The following HTT variants were observed in gnomAD, a reference collection of about 807,000 sequenced individuals.
HTT encodes huntington disease protein.
HTT carries 104 observed loss-of-function variants against 362.3 expected under a neutral mutation model. That is an observed-to-expected ratio of 0.29 (90% confidence interval 0.24 to 0.34). HTT has a LOEUF of 0.34. Ranked by LOEUF, HTT falls within the 10% of genes least tolerant of loss-of-function variation. The probability of loss-of-function intolerance (pLI) is 1.00; values close to 1 mark genes in which losing one functional copy is unlikely to be tolerated. For synonymous variants in HTT, 1,577 were observed against 1,548.7 expected, an observed-to-expected ratio of 1.02 and a Z score of -0.43; for missense variants, 3,301 against 3,928.6, an observed-to-expected ratio of 0.84 and a Z score of 4.27.
rs1336165061 is a variant in HTT at position 3,220,305 on chromosome 4, C to T, written c.7366C>T (p.Leu2456=). The T allele has an allele frequency of 6.1e-5, 99 of 1,613,028 alleles. No individual in the cohort carries two copies. The highest frequency in any genetic ancestry group is 8.0e-5 in the Non-Finnish European group (94 of 1,179,094). ...GGAGTTCATCTACCGCATCAACACA[C>T]TAGGTACTCTTGGGGCCTCTCCTTC... The part of the protein sequence containing the change: ...FKEFIYRINT[L]GWTSRTQFEE... The change falls in exon 53 of 67, where the codon CTA becomes TTA. Residue 2456 remains leucine, a synonymous_variant. Coordinates refer to ENST00000355072, the MANE Select transcript of HTT (RefSeq NM_001388492.1).
chr4:3,186,973 C>G (rs1201129136), intron 38 of HTT, among the ~76,000 whole-genome samples: 1 of 151,704 alleles, frequency 6.6e-6, no homozygotes, highest in South Asian at 2.1e-4. Flanking sequence ...ATTCTCCTGC[C>G]TCAGCCTCCC....
intron 1 of HTT, among the ~76,000 whole-genome samples, chr4:3,084,443 CT>C (rs1244323939): frequency 6.6e-6 from 1 of 151,932 alleles, no homozygotes; most frequent in African/African-American, 2.4e-5. Flanking sequence ...AATCCCAGCA[CT>C]TTTGGGAGGC....
At chr4:3,168,178 G>A (rs1405240494) in intron 29 of HTT, among the ~76,000 whole-genome samples, 1 of 152,184 alleles carries the variant, frequency 6.6e-6, no homozygotes, top group East Asian at 1.9e-4. Flanking sequence ...TGAGGCAGCT[G>A]GAAAGATATC....
At chr4:3,181,340 A>G (rs1718517082) in intron 36 of HTT, among the ~76,000 whole-genome samples, 1 of 152,258 alleles carries the variant, frequency 6.6e-6, no homozygotes, top group Non-Finnish European at 1.5e-5. Flanking sequence ...TTAAAATGAT[A>G]GAAATCTCAA....
intron 9 of HTT, 76 bp downstream of exon 9, chr4:3,121,508 G>T (rs1315887480): frequency 1.0e-6 from 1 of 961,010 alleles, no homozygotes; most frequent in East Asian, 2.5e-5. Context: ...TTATGGGCCT[G>T]CCCTGTGCTA....
At chr4:3,127,174 G>C in intron 11 of HTT, 90 bp from the exon 12 acceptor site, 1 of 906,622 alleles carries the variant, frequency 1.1e-6, no homozygotes, top group Non-Finnish European at 1.8e-6. Context: ...ATTTGATAAC[G>C]GTGGAACTGT....
chr4:3,231,403 G>A (rs1054680998), intron 60 of HTT, among the ~76,000 whole-genome samples: 2 of 152,074 alleles, frequency 1.3e-5, no homozygotes, highest in Admixed American at 6.5e-5. Context: ...ACCCCCACCT[G>A]ACAAGGCCAA....
intron 3 of HTT, among the ~76,000 whole-genome samples, chr4:3,103,467 C>T (rs1237251366): frequency 6.6e-6 from 1 of 151,994 alleles, no homozygotes; most frequent in Non-Finnish European, 1.5e-5. Flanking sequence ...CTCAGGTGAT[C>T]TGCCCGCCTT....
At position 3,206,579 on chromosome 4, in the gene HTT, T is replaced by A; in HGVS notation, c.5802T>A (p.Pro1934=). ...IQDLISLSHE[P]PVQDFISAVH... is the part of the protein sequence containing the mutation. The stretch of plus-strand genomic sequence containing the variant: ...ATCTGATCAGCCTTTCCCACGAGCC[T>A]CCAGTACAGGACTTCATCAGTGCCG... Residue 1934 remains proline (P), a synonymous_variant, in exon 43 of 67, where the codon CCT becomes CCA. Coordinates refer to ENST00000355072, the MANE Select transcript of HTT (RefSeq NM_001388492.1). The surrounding 1 kb of genome is among the most constrained non-coding windows in gnomAD (Gnocchi z 4.6). 1 of 1,614,112 alleles carries A rather than the reference T, an allele frequency of 6.2e-7. No individual in the cohort carries two copies. The highest frequency in any genetic ancestry group is 8.5e-7 in the Non-Finnish European group (1 of 1,179,990).
In HTT at chr4:3,175,022, G is replaced by C. The variant is rs372479051; in HGVS notation, c.4322G>C (p.Cys1441Ser). 2.0e-5 allele frequency: 32 copies of C among 1,613,218 alleles called. No homozygotes were observed. The African/African-American group carries it at 3.2e-4, about 16-fold the overall frequency. ...KALKQYTTTT[C>S]VQLQKQVLDL... ...TTAAAACAGTACACGACTACAACATGTGTGCAGTTACAGAAGCAGGTTTTA... is the reference window on the plus strand; with the variant it reads ...TTAAAACAGTACACGACTACAACATCTGTGCAGTTACAGAAGCAGGTTTTA... Residue 1441 changes from cysteine (C) to serine (S), a missense_variant, in exon 33 of 67, where the codon TGT becomes TCT. Physicochemically the swap from Cys to Ser is moderately radical, Grantham distance 112. Around this residue, in one of 4 missense-constraint regions of HTT, gnomAD observed 2,316 missense variants for 2,658.5 expected, o/e 0.87. Transcript: ENST00000355072.
At chr4:3,135,691 A>G (rs1387848170) in intron 19 of HTT, among the ~76,000 whole-genome samples, 1 of 152,210 alleles carries the variant, frequency 6.6e-6, no homozygotes, top group Non-Finnish European at 1.5e-5. Context: ...GAAAAAGAAA[A>G]ACAGTTTACT....
intron 21 of HTT, among the ~76,000 whole-genome samples, chr4:3,136,803 TG>T (rs1226451848): frequency 6.6e-6 from 1 of 152,202 alleles, no homozygotes; most frequent in Non-Finnish European, 1.5e-5. Flanking sequence ...GCTATGCGGT[TG>T]GGATAAAATT....
chr4:3,112,342 A>G (rs1221304404), intron 6 of HTT, among the ~76,000 whole-genome samples: 2 of 152,194 alleles, frequency 1.3e-5, no homozygotes, highest in Non-Finnish European at 2.9e-5. Context: ...ATAACCACAA[A>G]GTGAACTTAA....
chr4:3,212,261 A>G (rs1720195599), intron 48 of HTT, 119 bp downstream of exon 48: 2 of 821,290 alleles, frequency 2.4e-6, no homozygotes, highest in Admixed American at 5.5e-5. Flanking sequence ...GCGTTTACAG[A>G]GGTAGCTAAA....
rs975327310 is a variant in HTT at position 3,228,602 on chromosome 4, GT to G, written c.7849-10del. ...TGGCCGCAGCACTGAGCAGTGCCCC[GT>G]TTCTGTGGCAGGTGTCCATACACTC... On this transcript the variant is annotated splice_polypyrimidine_tract_variant and intron_variant, in intron 57 of 66. Coordinates refer to ENST00000355072, the MANE Select transcript of HTT (RefSeq NM_001388492.1). This position sits in a 1 kb window ranked among gnomAD's most constrained non-coding sequence, Gnocchi z 4.3. 1.3e-6 allele frequency: 2 copies of G among 1,549,384 alleles called. No homozygotes were observed. The highest frequency in any genetic ancestry group is 2.8e-5 in the African/African-American group (2 of 72,696).
intron 50 of HTT, 95 bp downstream of exon 50, chr4:3,214,230 C>A: frequency 1.0e-6 from 1 of 1,000,640 alleles, no homozygotes. Flanking sequence ...AGGTACTAAG[C>A]TAGGAATTGG....
chr4:3,225,610 G>A (rs772743135), intron 56 of HTT, 51 bp from the exon 57 acceptor site: 4 of 1,542,400 alleles, frequency 2.6e-6, no homozygotes, highest in African/African-American at 2.7e-5. Flanking sequence ...GGGTGGGCCT[G>A]CGGCCCTGCC....
chr4:3,188,151 G>C (rs748619856), intron 39 of HTT: 227 of 328,668 alleles, frequency 6.9e-4, no homozygotes, highest in Non-Finnish European at 1.1e-3. Context: ...GCAGGGCAGT[G>C]GGGTGGCTGT....
chr4:3,145,679 G>A (rs1262385058), intron 24 of HTT, among the ~76,000 whole-genome samples: 3 of 152,210 alleles, frequency 2.0e-5, no homozygotes, highest in Non-Finnish European at 2.9e-5. Flanking sequence ...GGCCCTACTA[G>A]CATCTGGGAA....
Sources: allele counts gnomAD v4.1 joint callset (sites outside exome capture counted in the v4.1 genomes callset), GRCh38; gene constraint gnomAD v4.1.1; regional missense constraint gnomAD v4.1.1; non-coding constraint Gnocchi (gnomAD v3.1); transcripts MANE v1.5; gene names NCBI Gene and HGNC (gene_info 2026-07-23, HGNC 2026-07-21).